The following COL4A3 variants were observed in gnomAD, a reference collection of about 807,000 sequenced individuals.
COL4A3 encodes collagen alpha-3(IV) chain.
A neutral mutation model predicts 217.4 loss-of-function variants in COL4A3; 135 were observed. The observed-to-expected ratio is 0.62, with a 90% CI of 0.54 to 0.72. The LOEUF (loss-of-function observed/expected upper bound fraction) is 0.72. Ranked by LOEUF, COL4A3 falls within the 30% of genes least tolerant of loss-of-function variation. COL4A3 has a pLI of 0.00. For missense variants in COL4A3, 1,868 were observed against 2,119.9 expected, an observed-to-expected ratio of 0.88 and a Z score of 2.33; for synonymous variants, 690 against 736.3, an observed-to-expected ratio of 0.94 and a Z score of 1.02.
At chr2:227,304,372 T>C (rs1034582155) in intron 46 of COL4A3, 21 of 552,426 alleles carry the variant, frequency 3.8e-5, no homozygotes, top group Admixed American at 1.3e-4. Flanking sequence ...AAATACACTT[T>C]AGGGCAGCAT....
chr2:227,191,787 T>A lies in COL4A3; in HGVS notation c.87+26974T>A, dbSNP rs1559807889. Among the ~76,000 whole-genome samples the A allele has an allele frequency of 6.6e-6, 1 of 152,168 alleles. No individual in the cohort carries two copies. The highest frequency in any genetic ancestry group is 1.5e-5 in the Non-Finnish European group (1 of 68,014). On this transcript the variant is annotated intron_variant, in intron 1 of 51. Transcript: ENST00000396578. The surrounding 1 kb of genome is among the most constrained non-coding windows in gnomAD (Gnocchi z 6.8). ...TAATTATGAAGGCTAAAAATAAAGA[T>A]TTTTTTCATAATTAGTTTCTGGAAC...
At chr2:227,231,510 C>G (rs574687536) in intron 1 of COL4A3, among the ~76,000 whole-genome samples, 1 of 151,982 alleles carries the variant, frequency 6.6e-6, no homozygotes, top group Admixed American at 6.6e-5. Flanking sequence ...CCTTGAGTTA[C>G]AAAGTATCCA....
In COL4A3 at chr2:227,253,254, A is replaced by G; in HGVS notation, c.646-42A>G. The G allele has an allele frequency of 6.4e-7, 1 of 1,553,978 alleles. No homozygotes were observed. Among genetic ancestry groups the G allele is most frequent in the Non-Finnish European group, 8.9e-7 (1 of 1,125,752 alleles). On this transcript the variant is annotated intron_variant, in intron 11 of 51. Coordinates refer to ENST00000396578, the MANE Select transcript of COL4A3 (RefSeq NM_000091.5). This position sits in a 1 kb window ranked among gnomAD's most constrained non-coding sequence, Gnocchi z 4.4. ...TGATGGGTTTAGACTATTTATTCAT[A>G]TTTATTTTTAGAAAATAATTTGGTT... is the stretch of plus-strand genomic sequence containing the variant.
intron 1 of COL4A3, among the ~76,000 whole-genome samples, chr2:227,219,529 T>C (rs560675653): frequency 1.2e-4 from 18 of 152,370 alleles, no homozygotes; most frequent in Admixed American, 4.6e-4. Context: ...GTCATCTGGA[T>C]GAGAAGAAAA....
At chr2:227,218,691 A>C (rs1488574315) in intron 1 of COL4A3, among the ~76,000 whole-genome samples, 2 of 152,230 alleles carry the variant, frequency 1.3e-5, no homozygotes, top group Non-Finnish European at 2.9e-5. Flanking sequence ...ACATATTTTT[A>C]ATATTAAAAG....
intron 17 of COL4A3, 97 bp downstream of exon 17, chr2:227,256,493 T>C: frequency 1.0e-6 from 1 of 980,028 alleles, no homozygotes. Context: ...GGGATTACAA[T>C]AACAGACTTC....
intron 1 of COL4A3, among the ~76,000 whole-genome samples, chr2:227,171,767 T>A (rs968212808): frequency 6.6e-6 from 1 of 152,064 alleles, no homozygotes; most frequent in African/African-American, 2.4e-5. Flanking sequence ...CCAAGGCAAG[T>A]TTTAGAGCAG....
At chr2:227,259,652 C>G (rs544994240) in intron 18 of COL4A3, 141 bp from the exon 19 acceptor site, 2 of 669,066 alleles carry the variant, frequency 3.0e-6, no homozygotes, top group African/African-American at 3.6e-5. Context: ...CTATCATATA[C>G]CTGCTAACAT....
At chr2:227,213,340 G>A (rs1277838567) in intron 1 of COL4A3, among the ~76,000 whole-genome samples, 2 of 152,180 alleles carry the variant, frequency 1.3e-5, no homozygotes, top group African/African-American at 4.8e-5. Flanking sequence ...TATACTAGGT[G>A]TTGGATGACT....
intron 48 of COL4A3, 47 bp downstream of exon 48, chr2:227,307,966 T>C (rs759519622): frequency 2.6e-6 from 4 of 1,530,508 alleles, no homozygotes; most frequent in Middle Eastern, 2.0e-4. Flanking sequence ...CACATGCAGA[T>C]TGTAAATCTT....
At chr2:227,304,933 T>G in intron 46 of COL4A3, 52 bp from the exon 47 acceptor site, 1 of 1,481,570 alleles carries the variant, frequency 6.7e-7, no homozygotes, top group Admixed American at 1.8e-5. Context: ...GTTGGCCACC[T>G]TACTTTTCAT....
At chr2:227,310,069 G>A (rs2073683187) in intron 50 of COL4A3, among the ~76,000 whole-genome samples, 1 of 152,150 alleles carries the variant, frequency 6.6e-6, no homozygotes, top group South Asian at 2.1e-4. Flanking sequence ...ACTATTTAGT[G>A]GAAAAGCTAG....
chr2:227,164,709 T>C lies in COL4A3; in HGVS notation c.-18T>C. ...TGAGGGTCCCCGGACTCGCCCAGGCTCTGAGCGCGCGCCCACCATGAGCGC... is the reference window on the plus strand; with the variant it reads ...TGAGGGTCCCCGGACTCGCCCAGGCCCTGAGCGCGCGCCCACCATGAGCGC... On this transcript the variant is annotated 5_prime_UTR_variant, in exon 1 of 52. Transcript: ENST00000396578. The surrounding 1 kb of genome is among the most constrained non-coding windows in gnomAD (Gnocchi z 4.8). The C allele has an allele frequency of 5.2e-6, 8 of 1,528,216 alleles. No individual in the cohort carries two copies. Among genetic ancestry groups the C allele is most frequent in the South Asian group, 1.2e-5 (1 of 83,610 alleles). The allele number at this position is 1,528,216 out of a possible 1,614,324, so 94.7% of individuals were successfully genotyped here.
chr2:227,280,803 GA>G, intron 30 of COL4A3, 89 bp from the exon 31 acceptor site: 7 of 1,116,926 alleles, frequency 6.3e-6, no homozygotes, highest in East Asian at 2.6e-5. Context: ...GATTTAGGTG[GA>G]AAAAAAGTTA....
At chr2:227,300,128 A>G (rs1164114258) in intron 43 of COL4A3, among the ~76,000 whole-genome samples, 1 of 152,204 alleles carries the variant, frequency 6.6e-6, no homozygotes, top group East Asian at 1.9e-4. Flanking sequence ...GCCCTAAAAA[A>G]TATAGCCTCT....
chr2:227,270,178 GA>G (rs1269314640), intron 24 of COL4A3, among the ~76,000 whole-genome samples, 198 bp downstream of exon 24: 2 of 152,332 alleles, frequency 1.3e-5, no homozygotes, highest in Non-Finnish European at 2.9e-5. Flanking sequence ...AATGGTATCA[GA>G]AACAGAAAGC....
intron 5 of COL4A3, chr2:227,245,707 T>G: frequency 1.8e-6 from 1 of 556,646 alleles, no homozygotes; most frequent in Admixed American, 3.0e-5. Flanking sequence ...ACTCTTTTAT[T>G]TTATGGATAA....
chr2:227,185,135 C>T (rs765968735), intron 1 of COL4A3, among the ~76,000 whole-genome samples: 2 of 152,058 alleles, frequency 1.3e-5, no homozygotes, highest in Non-Finnish European at 2.9e-5. Flanking sequence ...CTTCTGACCT[C>T]GTGATCTGCC....
Position 227,238,031 on chromosome 2 carries a change from AC to A in COL4A3, c.144+8del. On this transcript the variant is annotated splice_region_variant and intron_variant, in intron 2 of 51. Coordinates refer to ENST00000396578, the MANE Select transcript of COL4A3 (RefSeq NM_000091.5). ...CGGGGCCAAAGGGGAGAAGGTAAAA[AC>A]AAACCCTAATACTGCTTGTTTACAC... The A allele has an allele frequency of 3.2e-6, 5 of 1,580,996 alleles. No homozygotes were observed. The highest frequency in any genetic ancestry group is 4.3e-6 in the Non-Finnish European group (5 of 1,149,820).
Sources: gnomAD v4.1 joint callset for allele counts (sites outside exome capture counted in the v4.1 genomes callset) on GRCh38, gnomAD v4.1.1 for gene constraint, Gnocchi (gnomAD v3.1) non-coding constraint, MANE v1.5 for transcripts, NCBI Gene and HGNC (gene_info 2026-07-23, HGNC 2026-07-21) for gene names.